NRIP1: variants seen among roughly 807,000 people sequenced by gnomAD.
NRIP1 encodes the protein nuclear receptor-interacting protein 1.
In NRIP1, 28 loss-of-function variants were observed where a neutral mutation model predicts 75.0. The observed-to-expected ratio is 0.37, with a 90% confidence interval of 0.28 to 0.51. The LOEUF (loss-of-function observed/expected upper bound fraction) is 0.51, where lower values mean the gene tolerates loss of function less well. NRIP1 is among the 20% of genes least tolerant of loss of function. The pLI is 0.92. For missense variants in NRIP1, 1,435 were observed against 1,343.7 expected, an observed-to-expected ratio of 1.07 and a Z score of -1.06; for synonymous variants, 526 against 487.6, an observed-to-expected ratio of 1.08 and a Z score of -1.04.
chr21:15,029,328 A>C (rs2088591638), intron 2 of NRIP1, among the ~76,000 whole-genome samples: 1 of 151,918 alleles, frequency 6.6e-6, no homozygotes, highest in South Asian at 2.1e-4. Flanking sequence ...CTTCGACTGG[A>C]ATACTCTCCT....
At chr21:14,969,560 G>C (rs2086849573) in intron 3 of NRIP1, among the ~76,000 whole-genome samples, 1 of 152,124 alleles carries the variant, frequency 6.6e-6, no homozygotes, top group South Asian at 2.1e-4. Flanking sequence ...CTAAGGAAGG[G>C]GGGCCATGAC....
chr21:15,030,433 G>A (rs1165113368), intron 2 of NRIP1, among the ~76,000 whole-genome samples: 1 of 152,186 alleles, frequency 6.6e-6, no homozygotes, highest in East Asian at 1.9e-4. Flanking sequence ...GTAGAAGTCA[G>A]GGGTTTTCCC....
chr21:15,062,862 A>G (rs1403300734), intron 1 of NRIP1, among the ~76,000 whole-genome samples: 2 of 152,230 alleles, frequency 1.3e-5, no homozygotes, highest in Non-Finnish European at 2.9e-5. Context: ...AAAGTTAACA[A>G]TATTTTAGGG....
intron 2 of NRIP1, among the ~76,000 whole-genome samples, chr21:15,031,739 G>A (rs1195888897): frequency 1.5e-5 from 2 of 136,040 alleles, no homozygotes; most frequent in African/African-American, 5.8e-5. Context: ...TCTGGAAGGC[G>A]CTCGGAGGAT....
intron 2 of NRIP1, among the ~76,000 whole-genome samples, chr21:15,038,604 A>G (rs941672805): frequency 1.3e-5 from 2 of 152,032 alleles, no homozygotes; most frequent in Admixed American, 6.6e-5. Context: ...TATTTTTTGA[A>G]AACTTCATAT....
chr21:14,990,789 G>A (rs566348056), intron 3 of NRIP1, among the ~76,000 whole-genome samples: 1 of 152,202 alleles, frequency 6.6e-6, no homozygotes. Context: ...TTAGATAAAG[G>A]GACCCTGATA....
At chr21:14,993,420 C>A (rs1395942747) in intron 3 of NRIP1, among the ~76,000 whole-genome samples, 5 of 152,100 alleles carry the variant, frequency 3.3e-5, no homozygotes, top group Admixed American at 3.3e-4. Flanking sequence ...ATACAAATAT[C>A]CCTTCTATAT....
Position 14,987,313 on chromosome 21 carries a change from G to C in NRIP1, c.-334-18787C>G, listed in dbSNP as rs554168442. 4.6e-5 allele frequency among the ~76,000 whole-genome samples: 7 copies of C among 152,286 alleles called. No individual in the cohort carries two copies. In the East Asian group the frequency reaches 1.4e-3, roughly 29 times the overall value. On this transcript the variant is annotated intron_variant, in intron 3 of 3. Coordinates refer to ENST00000318948, the MANE Select transcript of NRIP1 (RefSeq NM_003489.4). ...GCCACAGAGTCGCTGCTCAGTAAGA[G>C]TTCCTTGCGTAACTCCAACAGTATG... is the stretch of plus-strand genomic sequence containing the variant.
At chr21:15,063,978 T>A (rs1001100208) in intron 1 of NRIP1, among the ~76,000 whole-genome samples, 1 of 152,220 alleles carries the variant, frequency 6.6e-6, no homozygotes, top group African/African-American at 2.4e-5. Context: ...CACCAACTCC[T>A]GATCAAAATT....
intron 1 of NRIP1, among the ~76,000 whole-genome samples, chr21:15,059,551 G>A (rs1020862131): frequency 1.3e-5 from 2 of 151,992 alleles, no homozygotes; most frequent in Non-Finnish European, 2.9e-5. Context: ...GAGGGAAGGA[G>A]AGAGGGAGAA....
At position 14,988,421 on chromosome 21, in the gene NRIP1, T is replaced by TTAGATAGATAGA. The variant is rs3075987; in HGVS notation, c.-334-19907_-334-19896dup. 2.6e-3 allele frequency among the ~76,000 whole-genome samples: 373 copies of TTAGATAGATAGA among 145,918 alleles called. 6 individuals are homozygous for TTAGATAGATAGA. The East Asian group carries it at 0.038, about 15-fold the overall frequency. ...TGAGGCTTAGGATTGTCTTTTGTCTTTAGATAGATAGATAGATAGATAGAT... is the reference window on the plus strand; with the variant it reads ...TGAGGCTTAGGATTGTCTTTTGTCTTTAGATAGATAGATAGATAGATAGATAGATAGATAGAT... On this transcript the variant is annotated intron_variant, in intron 3 of 3. Coordinates refer to ENST00000318948, the MANE Select transcript of NRIP1 (RefSeq NM_003489.4).
At position 14,966,376 on chromosome 21, in the gene NRIP1, T is replaced by C. The variant is rs1568938648; in HGVS notation, c.1817A>G (p.Lys606Arg). ...GGCTGGTTTCTCTCCTGGTGGGTCT[T>C]TGCTTTTTGTAAGGTCCATTGAGTG... Reference protein sequence around the residue: ...SNHSMDLTKSKDPPGEKPAQN... With the variant: ...SNHSMDLTKSRDPPGEKPAQN... Residue 606 changes from lysine to arginine, a missense_variant, in exon 4 of 4, where the codon AAA becomes AGA. Transcript: ENST00000318948. 2 of 1,614,056 alleles carry C rather than the reference T, an allele frequency of 1.2e-6. No homozygotes were observed. The highest frequency in any genetic ancestry group is 8.5e-7 in the Non-Finnish European group (1 of 1,179,972).
At chr21:14,984,941 G>A (rs1261981040) in intron 3 of NRIP1, among the ~76,000 whole-genome samples, 1 of 152,148 alleles carries the variant, frequency 6.6e-6, no homozygotes, top group Non-Finnish European at 1.5e-5. Context: ...ATAATGCTAT[G>A]GCACACTTAA....
At chr21:15,025,943 T>G (rs2088507297) in intron 2 of NRIP1, among the ~76,000 whole-genome samples, 2 of 152,180 alleles carry the variant, frequency 1.3e-5, no homozygotes, top group Admixed American at 1.3e-4. Flanking sequence ...AATGGAATCC[T>G]TTTGCTGAAA....
rs77402452 is a variant in NRIP1, at chr21:14,967,027, A to G, written c.1166T>C (p.Ile389Thr). 0.015 allele frequency: 24,947 copies of G among 1,614,166 alleles called. 237 individuals carry two copies. Among genetic ancestry groups the G allele is most frequent in the South Asian group, 0.028 (2,586 of 91,078 alleles). The change falls in exon 4 of 4, where the codon ATA becomes ACA. Residue 389 changes from isoleucine to threonine, a missense_variant. Ile to Thr is a moderately conservative substitution (Grantham distance 89). Transcript: ENST00000318948. Reference protein sequence around the residue: ...LLLHLLKSQTIPKPMNGHSHS... With the variant: ...LLLHLLKSQTTPKPMNGHSHS... ...ACTGTGTCCATTCATTGGCTTAGGT[A>G]TAGTCTGGCTTTTAAGAAGATGTAA...
intron 3 of NRIP1, among the ~76,000 whole-genome samples, chr21:15,009,704 A>G (rs2088056573): frequency 6.6e-6 from 1 of 152,236 alleles, no homozygotes; most frequent in Non-Finnish European, 1.5e-5. Flanking sequence ...CACCTCCAAG[A>G]ATAAAAATTG....
In NRIP1 at chr21:14,961,302, AAAC is replaced by A. The variant is rs2086584946; in HGVS notation, c.*3411_*3413del. 2 of 152,474 alleles carry A rather than the reference AAAC, an allele frequency of 1.3e-5. No individual in the cohort carries two copies. Among genetic ancestry groups the A allele is most frequent in the South Asian group, 4.1e-4 (2 of 4,826 alleles). The allele number at this position is 152,474 out of a possible 1,614,324, so 9.4% of individuals were successfully genotyped here. On this transcript the variant is annotated 3_prime_UTR_variant, in exon 4 of 4. Coordinates refer to ENST00000318948, the MANE Select transcript of NRIP1 (RefSeq NM_003489.4). Reference sequence around the variant, plus strand: ...GTAAACACTAAAAGATTAAAAAACAAAACAAAAAAATTCACACTGCAGTATGTA... The same window carrying A: ...GTAAACACTAAAAGATTAAAAAACAAAAAAAAATTCACACTGCAGTATGTA...
chr21:15,064,459 G>A (rs1306262160), intron 1 of NRIP1, among the ~76,000 whole-genome samples: 1 of 152,004 alleles, frequency 6.6e-6, no homozygotes, highest in East Asian at 1.9e-4. Flanking sequence ...CCCGCTCAGG[G>A]GCCACGCGAC....
intron 3 of NRIP1, among the ~76,000 whole-genome samples, chr21:14,969,589 G>C (rs571053452): frequency 7.9e-5 from 12 of 152,044 alleles, no homozygotes; most frequent in Non-Finnish European, 1.8e-4. Flanking sequence ...AAGAGAAGCT[G>C]GAATAAATTC....
Sources: gnomAD v4.1 joint callset for allele counts (sites outside exome capture counted in the v4.1 genomes callset) on GRCh38, gnomAD v4.1.1 for gene constraint, MANE v1.5 for transcripts, NCBI Gene and HGNC (gene_info 2026-07-23, HGNC 2026-07-21) for gene names.